Variants in PTPRD observed in about 807,000 individuals in gnomAD.
PTPRD encodes the protein protein tyrosine phosphatase receptor type D, also known as receptor-type tyrosine-protein phosphatase delta.
A neutral mutation model predicts 214.5 loss-of-function variants in PTPRD; 34 were observed. The ratio of observed to expected loss-of-function variants is 0.16; its 90% CI spans 0.12 to 0.21. The LOEUF is 0.21. Among genes scored for constraint, PTPRD ranks in the 10% least tolerant of loss-of-function variants. The pLI is 1.00. For missense variants in PTPRD, 2,545 were observed against 2,398.7 expected (o/e 1.06, Z -1.27); for synonymous variants, 1,128 against 845.7 (o/e 1.33, Z -5.79).
chr9:8,649,383 AGATCC>A (rs1380244073), intron 12 of PTPRD, among the ~76,000 whole-genome samples: 1 of 152,246 alleles, frequency 6.6e-6, no homozygotes, highest in African/African-American at 2.4e-5. Context: ...CTTTTAAGAT[AGATCC>A]ATCTTACAGG....
At chr9:8,473,369 G>T (rs115653444) in intron 30 of PTPRD, among the ~76,000 whole-genome samples, 2 of 152,094 alleles carry the variant, frequency 1.3e-5, no homozygotes, top group Admixed American at 1.3e-4. Flanking sequence ...CCCCTCTCCT[G>T]TCCTCCCACC....
At chr9:9,098,995 T>C (rs557014759) in intron 10 of PTPRD, among the ~76,000 whole-genome samples, 10 of 152,182 alleles carry the variant, frequency 6.6e-5, no homozygotes, top group Non-Finnish European at 1.2e-4. Context: ...AGAAAAAATG[T>C]GGTCTGATAA....
chr9:8,470,911 C>T, intron 31 of PTPRD, 84 bp downstream of exon 31: 2 of 1,226,576 alleles, frequency 1.6e-6, no homozygotes, highest in East Asian at 2.3e-5. Context: ...CAGATTAGAT[C>T]CTGAAAGGCC....
At chr9:8,627,654 A>G (rs1247494998) in intron 14 of PTPRD, among the ~76,000 whole-genome samples, 2 of 151,932 alleles carry the variant, frequency 1.3e-5, no homozygotes, top group East Asian at 3.9e-4. Context: ...AGGAAGGAGC[A>G]TGCATCACCA....
intron 5 of PTPRD, among the ~76,000 whole-genome samples, chr9:9,900,140 GAAA>G (rs1473032918): frequency 1.3e-5 from 2 of 152,104 alleles, no homozygotes; most frequent in Admixed American, 6.6e-5. Flanking sequence ...GTTCTTCCCT[GAAA>G]ACACTCCTTC....
chr9:9,810,229 A>G (rs1296737010), intron 5 of PTPRD, among the ~76,000 whole-genome samples: 1 of 151,992 alleles, frequency 6.6e-6, no homozygotes, highest in Non-Finnish European at 1.5e-5. Flanking sequence ...AAGAATATAT[A>G]CTACATAGAC....
chr9:9,947,190 G>A (rs2092681058), intron 4 of PTPRD, among the ~76,000 whole-genome samples: 2 of 145,152 alleles, frequency 1.4e-5, no homozygotes, highest in African/African-American at 5.1e-5. Flanking sequence ...CAGCTATACA[G>A]ATACTCTCTC....
intron 2 of PTPRD, among the ~76,000 whole-genome samples, chr9:10,563,137 G>C (rs118127110): frequency 6.6e-6 from 1 of 152,104 alleles, no homozygotes; most frequent in Non-Finnish European, 1.5e-5. Context: ...CTGAATACCA[G>C]AAACATGCTA....
At chr9:8,720,187 G>A (rs1428902200) in intron 12 of PTPRD, among the ~76,000 whole-genome samples, 1 of 152,198 alleles carries the variant, frequency 6.6e-6, no homozygotes, top group African/African-American at 2.4e-5. Context: ...AGATGGCTTG[G>A]CTCTTATATC....
intron 33 of PTPRD, among the ~76,000 whole-genome samples, chr9:8,457,717 T>C (rs1400275500): frequency 1.3e-5 from 2 of 152,124 alleles, no homozygotes; most frequent in East Asian, 3.9e-4. Flanking sequence ...ATCAATATAA[T>C]GTGAGTCAAC....
chr9:10,450,599 G>C (rs958650858), intron 2 of PTPRD, among the ~76,000 whole-genome samples: 12 of 151,896 alleles, frequency 7.9e-5, no homozygotes, highest in Non-Finnish European at 1.6e-4. Flanking sequence ...TTTAAATTAA[G>C]CTATTATCCT....
At chr9:9,350,917 A>C (rs1422632087) in intron 9 of PTPRD, among the ~76,000 whole-genome samples, 2 of 152,096 alleles carry the variant, frequency 1.3e-5, no homozygotes, top group Non-Finnish European at 2.9e-5. Context: ...TTGTCATCAA[A>C]AATGAACTCT....
intron 11 of PTPRD, among the ~76,000 whole-genome samples, chr9:9,016,749 G>T (rs1157939058): frequency 6.6e-6 from 1 of 152,108 alleles, no homozygotes; most frequent in African/African-American, 2.4e-5. Context: ...TCACTTGCAG[G>T]GAGCTAGAAC....
At chr9:8,681,669 T>C (rs1030437494) in intron 12 of PTPRD, among the ~76,000 whole-genome samples, 3 of 152,214 alleles carry the variant, frequency 2.0e-5, no homozygotes, top group South Asian at 2.1e-4. Context: ...ACGATGTGCA[T>C]GCGTCATATA....
At chr9:9,082,133 C>G (rs1444911340) in intron 10 of PTPRD, among the ~76,000 whole-genome samples, 1 of 152,040 alleles carries the variant, frequency 6.6e-6, no homozygotes, top group Non-Finnish European at 1.5e-5. Flanking sequence ...CATCCTGATA[C>G]CAAAACCTGG....
At chr9:10,192,837 G>A (rs538049141) in intron 3 of PTPRD, among the ~76,000 whole-genome samples, 6 of 152,056 alleles carry the variant, frequency 3.9e-5, no homozygotes, top group Non-Finnish European at 8.8e-5. Context: ...AGAGCAAAAC[G>A]GTACAATAGG....
intron 7 of PTPRD, among the ~76,000 whole-genome samples, chr9:9,658,666 A>C (rs2096567146): frequency 6.6e-6 from 1 of 152,132 alleles, no homozygotes; most frequent in South Asian, 2.1e-4. Flanking sequence ...TCTTTCTGAA[A>C]AATGCCACCA....
chr9:9,644,192 G>A (rs1309749583), intron 7 of PTPRD, among the ~76,000 whole-genome samples: 1 of 152,138 alleles, frequency 6.6e-6, no homozygotes, highest in Non-Finnish European at 1.5e-5. Context: ...AGTATGCATT[G>A]TCGTAGCCTT....
At chr9:9,449,030 T>C (rs1171387232) in intron 8 of PTPRD, among the ~76,000 whole-genome samples, 1 of 152,114 alleles carries the variant, frequency 6.6e-6, no homozygotes, top group Non-Finnish European at 1.5e-5. Context: ...TTATGGACCA[T>C]GTTATTAATG....
Sources: gnomAD v4.1 joint callset for allele counts (sites outside exome capture counted in the v4.1 genomes callset) on GRCh38, gnomAD v4.1.1 for gene constraint, MANE v1.5 for transcripts, NCBI Gene and HGNC (gene_info 2026-07-23, HGNC 2026-07-21) for gene names.